Variants in RARB observed in about 807,000 individuals in gnomAD.
RARB encodes the protein HBV-activated protein.
A neutral mutation model predicts 51.9 loss-of-function variants in RARB; 17 were observed. That is an observed-to-expected ratio of 0.33 (90% confidence interval 0.22 to 0.49). RARB has a LOEUF of 0.49. Among genes scored for constraint, RARB ranks in the 20% least tolerant of loss-of-function variants. RARB has a pLI of 0.99. For missense variants in RARB, 369 were observed against 550.8 expected, an observed-to-expected ratio of 0.67 and a Z score of 3.30; for synonymous variants, 215 against 195.4, an observed-to-expected ratio of 1.10 and a Z score of -0.84.
intron 5 of RARB, among the ~76,000 whole-genome samples, chr3:25,422,521 T>C (rs1202726310): frequency 6.6e-6 from 1 of 152,054 alleles, no homozygotes; most frequent in Non-Finnish European, 1.5e-5. Context: ...TTCGTGGAAA[T>C]AATGCACTTT....
chr3:25,171,235 G>A (rs1038084808), intron 4 of RARB, among the ~76,000 whole-genome samples: 6 of 151,962 alleles, frequency 3.9e-5, no homozygotes, highest in East Asian at 1.9e-4. Context: ...CTGAGGTGGT[G>A]AAGGAAAGAA....
intron 2 of RARB, among the ~76,000 whole-genome samples, chr3:25,484,319 C>T (rs1343975205): frequency 1.3e-5 from 2 of 152,098 alleles, no homozygotes; most frequent in South Asian, 2.1e-4. Context: ...AAGAGACATG[C>T]TTGAAGCCAC....
intron 5 of RARB, among the ~76,000 whole-genome samples, chr3:25,306,197 G>A (rs1352494144): frequency 6.6e-6 from 1 of 152,192 alleles, no homozygotes; most frequent in East Asian, 1.9e-4. Flanking sequence ...CATTGATTGG[G>A]TCTCCGTGGC....
chr3:25,111,915 T>A (rs9826164), intron 3 of RARB, among the ~76,000 whole-genome samples: 123,249 of 151,998 alleles, frequency 0.81, 50,506 homozygotes, highest in Admixed American at 0.88. Flanking sequence ...TTTACTCTTA[T>A]AATAAACCTT....
At chr3:25,080,312 T>G (rs1269235198) in intron 3 of RARB, among the ~76,000 whole-genome samples, 7 of 152,238 alleles carry the variant, frequency 4.6e-5, no homozygotes, top group African/African-American at 1.4e-4. Flanking sequence ...GTATAACACA[T>G]TTTGTTTATC....
chr3:25,490,753 C>T (rs1470320020), intron 2 of RARB, among the ~76,000 whole-genome samples: 13 of 152,054 alleles, frequency 8.5e-5, no homozygotes, highest in Admixed American at 8.5e-4. Flanking sequence ...TCATTGGCTT[C>T]TTGCCGTGTT....
chr3:25,488,336 T>C (rs1696566344), intron 2 of RARB, among the ~76,000 whole-genome samples: 1 of 152,202 alleles, frequency 6.6e-6, no homozygotes, highest in African/African-American at 2.4e-5. Flanking sequence ...CAGTCCTGTT[T>C]CATCTAAGGA....
chr3:24,938,624 T>C (rs1482360120), intron 2 of RARB, among the ~76,000 whole-genome samples: 1 of 152,160 alleles, frequency 6.6e-6, no homozygotes, highest in Non-Finnish European at 1.5e-5. Flanking sequence ...TTAAGTGGCA[T>C]TAAGCACGCT....
At chr3:25,366,466 A>G (rs939208838) in intron 5 of RARB, among the ~76,000 whole-genome samples, 3 of 152,258 alleles carry the variant, frequency 2.0e-5, no homozygotes, top group Non-Finnish European at 4.4e-5. Flanking sequence ...TCAGGTTAAT[A>G]GAAGTAACCT....
chr3:25,461,188 T>C lies in RARB; in HGVS notation c.158-5T>C, dbSNP rs780023459. 1.8e-5 allele frequency: 29 copies of C among 1,604,426 alleles called. No individual in the cohort carries two copies. The highest frequency in any genetic ancestry group is 2.4e-5 in the Non-Finnish European group (28 of 1,176,106). On this transcript the variant is annotated splice_polypyrimidine_tract_variant and splice_region_variant and intron_variant, in intron 1 of 7. Coordinates refer to ENST00000330688, the MANE Select transcript of RARB (RefSeq NM_000965.5). ...TTTTCTCCCTCTACCCCATCTCTAT[T>C]ATAGCAATTGAAACACAGAGCACCA...
intron 3 of RARB, among the ~76,000 whole-genome samples, chr3:25,563,617 A>G (rs773673778): frequency 2.0e-5 from 3 of 152,234 alleles, no homozygotes; most frequent in Non-Finnish European, 4.4e-5. Context: ...AACAATTAGT[A>G]ATAGATCCAC....
intron 5 of RARB, among the ~76,000 whole-genome samples, chr3:25,209,648 C>T (rs974661034): frequency 2.0e-5 from 3 of 152,296 alleles, no homozygotes; most frequent in Admixed American, 6.5e-5. Flanking sequence ...GCAACATGCA[C>T]GGTTGTGCAG....
intron 3 of RARB, among the ~76,000 whole-genome samples, chr3:25,100,817 C>G (rs1398383589): frequency 1.3e-5 from 2 of 152,112 alleles, no homozygotes; most frequent in Non-Finnish European, 2.9e-5. Flanking sequence ...AAGATTTAAG[C>G]CATCTCTCAC....
At chr3:24,927,897 A>G in intron 2 of RARB, among the ~76,000 whole-genome samples, 1 of 152,088 alleles carries the variant, frequency 6.6e-6, no homozygotes, top group East Asian at 1.9e-4. Context: ...GCTCCGCAGC[A>G]AAAGTGACAA....
At chr3:25,481,357 T>A (rs951126057) in intron 2 of RARB, among the ~76,000 whole-genome samples, 1 of 152,238 alleles carries the variant, frequency 6.6e-6, no homozygotes, top group African/African-American at 2.4e-5. Flanking sequence ...CTGCCTTAAA[T>A]GCCAGGAAGA....
At chr3:25,473,529 T>A (rs748531551) in intron 2 of RARB, among the ~76,000 whole-genome samples, 3 of 152,116 alleles carry the variant, frequency 2.0e-5, no homozygotes, top group Non-Finnish European at 2.9e-5. Flanking sequence ...GGCATTTTTG[T>A]TGGGGTTGGT....
intron 5 of RARB, among the ~76,000 whole-genome samples, chr3:25,359,792 AGTTTC>A (rs1216036475): frequency 6.6e-6 from 1 of 152,166 alleles, no homozygotes; most frequent in African/African-American, 2.4e-5. Context: ...GTTTTGAGTG[AGTTTC>A]TTAATCCTGA....
At chr3:25,513,712 G>A (rs976143110) in intron 3 of RARB, among the ~76,000 whole-genome samples, 5 of 123,668 alleles carry the variant, frequency 4.0e-5, no homozygotes, top group African/African-American at 1.9e-4. Context: ...CATTTCTTAA[G>A]GTGCACTATT....
intron 5 of RARB, among the ~76,000 whole-genome samples, chr3:25,317,474 T>C (rs189844691): frequency 4.6e-4 from 70 of 152,256 alleles, no homozygotes; most frequent in Admixed American, 5.2e-4. Flanking sequence ...ATATCCAGCA[T>C]TATAATAAAG....
Sources: gnomAD v4.1 joint callset for allele counts (sites outside exome capture counted in the v4.1 genomes callset) on GRCh38, gnomAD v4.1.1 for gene constraint, MANE v1.5 for transcripts, NCBI Gene and HGNC (gene_info 2026-07-23, HGNC 2026-07-21) for gene names.